The following TERT variants were observed in gnomAD, a reference collection of about 807,000 sequenced individuals.
TERT encodes telomerase reverse transcriptase, also known as telomerase catalytic subunit.
TERT carries 42 observed loss-of-function variants against 104.0 expected under a neutral mutation model. That is an observed-to-expected ratio of 0.40 (90% confidence interval 0.32 to 0.52). The LOEUF (loss-of-function observed/expected upper bound fraction) is 0.52, where lower values mean the gene tolerates loss of function less well. TERT is among the 20% of genes least tolerant of loss of function. TERT has a pLI of 0.43. For synonymous variants in TERT, 781 were observed against 725.6 expected, an observed-to-expected ratio of 1.08 and a Z score of -1.23; for missense variants, 1,101 against 1,610.3, an observed-to-expected ratio of 0.68 and a Z score of 5.41.
chr5:1,284,063 G>A (rs1370195660), intron 2 of TERT, among the ~76,000 whole-genome samples: 1 of 146,656 alleles, frequency 6.8e-6, no homozygotes, highest in Middle Eastern at 3.8e-3. Flanking sequence ...AGCACATCCA[G>A]CTCACAGCAG....
chr5:1,267,210 G>A (rs1179481299), intron 9 of TERT, among the ~76,000 whole-genome samples: 2 of 152,244 alleles, frequency 1.3e-5, no homozygotes, highest in Non-Finnish European at 2.9e-5. Context: ...TGGAGCTAGA[G>A]TTTCAAAAGA....
intron 9 of TERT, among the ~76,000 whole-genome samples, chr5:1,267,805 T>TG (rs1554039648): frequency 6.6e-6 from 1 of 151,528 alleles, no homozygotes; most frequent in Non-Finnish European, 1.5e-5. Context: ...GGACACAGGG[T>TG]GGGGAACATC....
Position 1,268,232 on chromosome 5 carries a change from T to C in TERT, c.2582+288A>G, listed in dbSNP as rs997176680. Among the ~76,000 whole-genome samples, 6 of 152,336 alleles carry C rather than the reference T, an allele frequency of 3.9e-5. No homozygotes were observed. The highest frequency in any genetic ancestry group is 1.4e-4 in the African/African-American group (6 of 41,586). On this transcript the variant is annotated intron_variant, in intron 9 of 15. Coordinates refer to ENST00000310581, the MANE Select transcript of TERT (RefSeq NM_198253.3). The surrounding 1 kb of genome is among the most constrained non-coding windows in gnomAD (Gnocchi z 5.5). ...GGTGACGTGACAGAAGCTGGTGTGC[T>C]TCCTCGGTGTTGAATTCACATGCTC... is the stretch of plus-strand genomic sequence containing the variant.
Position 1,287,672 on chromosome 5 carries a change from A to G in TERT, c.1574-5048T>C, listed in dbSNP as rs984358946. On this transcript the variant is annotated intron_variant, in intron 2 of 15. Transcript: ENST00000310581. This position sits in a 1 kb window ranked among gnomAD's most constrained non-coding sequence, Gnocchi z 4.3. ...AAAGATTCACTCATCAGGAAGATAA[A>G]AATTCTACCACGTGCATGCACCTAA... Among the ~76,000 whole-genome samples the G allele has an allele frequency of 6.6e-6, 1 of 152,092 alleles. No individual in the cohort carries two copies. The highest frequency in any genetic ancestry group is 1.5e-5 in the Non-Finnish European group (1 of 68,036).
rs1178874272 is a variant in TERT, at chr5:1,261,162, A to G, written c.2844-562T>C. Among the ~76,000 whole-genome samples the G allele has an allele frequency of 6.6e-6, 1 of 152,186 alleles. No individual in the cohort carries two copies. The highest frequency in any genetic ancestry group is 1.5e-5 in the Non-Finnish European group (1 of 68,026). On this transcript the variant is annotated intron_variant, in intron 11 of 15. Transcript: ENST00000310581. The surrounding 1 kb of genome is among the most constrained non-coding windows in gnomAD (Gnocchi z 7.4). Reference sequence around the variant, plus strand: ...AGGGCCTCACCACCACTCACTGCCCATGTATGTCCATGTCCAAAGATGAAC... The same window carrying G: ...AGGGCCTCACCACCACTCACTGCCCGTGTATGTCCATGTCCAAAGATGAAC...
Position 1,253,474 on chromosome 5 carries a change from G to A in TERT, c.*254C>T, listed in dbSNP as rs750662141. 9 of 580,940 alleles carry A rather than the reference G, an allele frequency of 1.5e-5. No homozygotes were observed. The highest frequency in any genetic ancestry group is 4.0e-5 in the South Asian group (2 of 49,666). 36.0% of individuals were successfully genotyped at this position (580,940 alleles called of 1,614,324 possible). A position where few individuals can be genotyped will look rare whatever the true frequency, so the allele number is the denominator to read the frequency against. ...GAAAAGCTGGCCCTGGGGTGGAGCC[G>A]AGCGCCAGCCTGTGGGGAAGTGAAG... On this transcript the variant is annotated 3_prime_UTR_variant, in exon 16 of 16. Coordinates refer to ENST00000310581, the MANE Select transcript of TERT (RefSeq NM_198253.3).
In TERT at chr5:1,293,929, C is replaced by T. The variant is rs1018341020; in HGVS notation, c.957G>A (p.Thr319=). ...STSRPPRPWD[T]PCPPVYAETK... ...TCTCGGCGTACACCGGGGGACAAGGCGTGTCCCAGGGACGTGGTGGCCGCG... is the reference window on the plus strand; with the variant it reads ...TCTCGGCGTACACCGGGGGACAAGGTGTGTCCCAGGGACGTGGTGGCCGCG... Residue 319 remains threonine, a synonymous_variant, in exon 2 of 16, where the codon ACG becomes ACA. Transcript: ENST00000310581. 3.9e-6 allele frequency: 6 copies of T among 1,543,450 alleles called. No homozygotes were observed. The African/African-American group carries it at 5.5e-5, about 14-fold the overall frequency.
rs1300796702 is a variant in TERT at position 1,257,722 on chromosome 5, G to A, written c.3032+876C>T. ...CGACCTTGTAATGGAAAACTCTCCC[G>A]TGAGCCCTTGCTGGGTTTCCACGAT... On this transcript the variant is annotated intron_variant, in intron 13 of 15. Coordinates refer to ENST00000310581, the MANE Select transcript of TERT (RefSeq NM_198253.3). This position sits in a 1 kb window ranked among gnomAD's most constrained non-coding sequence, Gnocchi z 5.6. Among the ~76,000 whole-genome samples, 1 of 152,224 alleles carries A rather than the reference G, an allele frequency of 6.6e-6. No individual in the cohort carries two copies. The highest frequency in any genetic ancestry group is 1.5e-5 in the Non-Finnish European group (1 of 68,036).
intron 14 of TERT, 72 bp from the exon 15 acceptor site, chr5:1,254,577 C>T (rs1747581911): frequency 2.0e-6 from 3 of 1,532,708 alleles, no homozygotes; most frequent in Non-Finnish European, 2.6e-6. Flanking sequence ...CGGAAAGCTG[C>T]CCACACCCGA....
At position 1,292,520 on chromosome 5, in the gene TERT, T is replaced by TG. The variant is rs1751058636; in HGVS notation, c.1573+792_1573+793insC. On this transcript the variant is annotated intron_variant, in intron 2 of 15. Coordinates refer to ENST00000310581, the MANE Select transcript of TERT (RefSeq NM_198253.3). The surrounding 1 kb of genome is among the most constrained non-coding windows in gnomAD (Gnocchi z 5.5). ...GTCCTGGCACAATCAACGAACACTT[T>TG]TTTTTTTTAAAGACAGAGTTTCACT... 1.7e-5 allele frequency among the ~76,000 whole-genome samples: 2 copies of TG among 114,850 alleles called. No homozygotes were observed. Among genetic ancestry groups the TG allele is most frequent in the South Asian group, 4.9e-4 (2 of 4,068 alleles). 75.3% of individuals were successfully genotyped at this position (114,850 alleles called of 152,430 possible). A position where few individuals can be genotyped will look rare whatever the true frequency, so the allele number is the denominator to read the frequency against.
chr5:1,280,364 C>T, intron 3 of TERT, 26 bp from the exon 4 acceptor site: 1 of 1,608,596 alleles, frequency 6.2e-7, no homozygotes, highest in Non-Finnish European at 8.5e-7. Flanking sequence ...CCTCAGGAGG[C>T]TTGCTCAGCC....
rs1750329265 is a variant in TERT at position 1,284,501 on chromosome 5, T to G, written c.1574-1877A>C. Among the ~76,000 whole-genome samples the G allele has an allele frequency of 3.5e-5, 4 of 114,492 alleles. 1 individual carries two copies. In the Admixed American group the frequency reaches 3.8e-4, roughly 11 times the overall value. 75.1% of individuals were successfully genotyped at this position (114,492 alleles called of 152,430 possible). On this transcript the variant is annotated intron_variant, in intron 2 of 15. Transcript: ENST00000310581. Reference sequence around the variant, plus strand: ...CCATACATCCAGCTCACCGAGGGCCTGGCGACCTCACTCCAGACCTGCACC... The same window carrying G: ...CCATACATCCAGCTCACCGAGGGCCGGGCGACCTCACTCCAGACCTGCACC...
rs1019015114 is a variant in TERT, at chr5:1,256,883, G to A, written c.3033-1472C>T. On this transcript the variant is annotated intron_variant, in intron 13 of 15. Coordinates refer to ENST00000310581, the MANE Select transcript of TERT (RefSeq NM_198253.3). This position sits in a 1 kb window ranked among gnomAD's most constrained non-coding sequence, Gnocchi z 7.0. ...GCGTCCACCCCAAGCCCGTGTGGAG[G>A]CGCGGCCAGCACGGGCCAGGAAGGC... 6.6e-6 allele frequency among the ~76,000 whole-genome samples: 1 copy of A among 152,156 alleles called. No homozygotes were observed. The highest frequency in any genetic ancestry group is 1.5e-5 in the Non-Finnish European group (1 of 68,036).
rs576970371 is a variant in TERT at position 1,291,152 on chromosome 5, T to C, written c.1573+2161A>G. ...GGGACACCCGGGGACAGTGCCTCAC[T>C]CACCCTATACCTGGGAGGGACACCC... is the stretch of plus-strand genomic sequence containing the variant. On this transcript the variant is annotated intron_variant, in intron 2 of 15. Coordinates refer to ENST00000310581, the MANE Select transcript of TERT (RefSeq NM_198253.3). Among the ~76,000 whole-genome samples, 39 of 137,936 alleles carry C rather than the reference T, an allele frequency of 2.8e-4. 1 individual carries two copies. Among genetic ancestry groups the C allele is most frequent in the African/African-American group, 1.0e-3 (36 of 35,502 alleles). 90.5% of individuals were successfully genotyped at this position (137,936 alleles called of 152,430 possible).
In TERT at chr5:1,289,105, G is replaced by A. The variant is rs72709460; in HGVS notation, c.1573+4208C>T. ...GGACAGAGCCTCACTCACCCTACACGAGACAGGGACACCCAGGGACAGCGC... is the reference window on the plus strand; with the variant it reads ...GGACAGAGCCTCACTCACCCTACACAAGACAGGGACACCCAGGGACAGCGC... On this transcript the variant is annotated intron_variant, in intron 2 of 15. Transcript: ENST00000310581. Among the ~76,000 whole-genome samples the A allele has an allele frequency of 7.5e-3, 1,144 of 151,714 alleles. 4 individuals are homozygous for A. Among genetic ancestry groups the A allele is most frequent in the Non-Finnish European group, 0.011 (777 of 67,874 alleles).
In TERT at chr5:1,286,560, G is replaced by A. The variant is rs1224580192; in HGVS notation, c.1574-3936C>T. 6.6e-6 allele frequency among the ~76,000 whole-genome samples: 1 copy of A among 152,162 alleles called. No individual in the cohort carries two copies. The highest frequency in any genetic ancestry group is 1.5e-5 in the Non-Finnish European group (1 of 68,030). On this transcript the variant is annotated intron_variant, in intron 2 of 15. Coordinates refer to ENST00000310581, the MANE Select transcript of TERT (RefSeq NM_198253.3). The surrounding 1 kb of genome is among the most constrained non-coding windows in gnomAD (Gnocchi z 5.3). ...GGTCTTATTGCTCAGGACAAGGGTA[G>A]CAATGTTTCAGACTTCATTTTAAAA...
In TERT at chr5:1,255,356, T is replaced by TG. The variant is rs1156940293; in HGVS notation, c.3087dup (p.Thr1030HisfsTer9). 6.2e-7 allele frequency: 1 copy of TG among 1,614,150 alleles called. No homozygotes were observed. ...TCAGAGATGACGCGCAGGAAAAATG[T>TG]GGGGTTCTTCCAAACTTGCTGATGA... is the stretch of plus-strand genomic sequence containing the variant. On this transcript the variant is annotated frameshift_variant, in exon 14 of 16. Coordinates refer to ENST00000310581, the MANE Select transcript of TERT (RefSeq NM_198253.3). LOFTEE classifies it high-confidence loss of function. The surrounding 1 kb of genome is among the most constrained non-coding windows in gnomAD (Gnocchi z 6.9).
At chr5:1,272,433 ACGGGGGCCGGGGGGC>A (rs1395567112) in intron 6 of TERT, among the ~76,000 whole-genome samples, 153 bp from the exon 7 acceptor site, 2 of 151,568 alleles carry the variant, frequency 1.3e-5, no homozygotes, top group Admixed American at 1.3e-4. Context: ...TGTTTGGGAA[ACGGGGGCCGGGGGGC>A]CGAGGACGCA....
At chr5:1,267,005 G>A (rs1748654769) in intron 9 of TERT, among the ~76,000 whole-genome samples, 2 of 152,184 alleles carry the variant, frequency 1.3e-5, no homozygotes, top group Non-Finnish European at 1.5e-5. Flanking sequence ...CAAGCCCAGC[G>A]CCCCATGACC....
Sources: gnomAD v4.1 joint callset for allele counts (sites outside exome capture counted in the v4.1 genomes callset) on GRCh38, gnomAD v4.1.1 for gene constraint, Gnocchi (gnomAD v3.1) non-coding constraint, MANE v1.5 for transcripts, NCBI Gene and HGNC (gene_info 2026-07-23, HGNC 2026-07-21) for gene names.